Variants in WDR17 observed in about 807,000 individuals in gnomAD.
The protein encoded by WDR17 is WD repeat-containing protein 17.
A neutral mutation model predicts 161.7 loss-of-function variants in WDR17; 143 were observed. The observed-to-expected ratio is 0.88, with a 90% CI of 0.77 to 1.02. The LOEUF is 1.02. WDR17 is among the 50% of genes least tolerant of loss of function. The pLI is 0.00. For missense variants in WDR17, 1,469 were observed against 1,520.9 expected, an observed-to-expected ratio of 0.97 and a Z score of 0.57; for synonymous variants, 517 against 515.6, an observed-to-expected ratio of 1.00 and a Z score of -0.04.
intron 22 of WDR17, 57 bp downstream of exon 22, chr4:176,163,350 C>A: frequency 6.5e-7 from 1 of 1,533,000 alleles, no homozygotes; most frequent in Non-Finnish European, 8.8e-7. Flanking sequence ...ATTTTTAAAA[C>A]ATTATAAATT....
chr4:176,119,950 A>G lies in WDR17; in HGVS notation c.391A>G (p.Thr131Ala), dbSNP rs1194464748. The G allele has an allele frequency of 6.2e-7, 1 of 1,614,000 alleles. No homozygotes were observed. The highest frequency in any genetic ancestry group is 2.2e-5 in the East Asian group (1 of 44,864). ...VSHRGPLFIW[T>A]ISGPDSGVIV... The stretch of plus-strand genomic sequence containing the variant: ...CCACAGAGGCCCACTGTTCATTTGG[A>G]CCATCTCAGGACCAGATAGTGGAGT... Residue 131 changes from threonine (T) to alanine (A), a missense_variant, in exon 4 of 29, where the codon ACC (threonine) becomes GCC (alanine). By Grantham distance (58) the Thr-to-Ala change is moderately conservative. Transcript: ENST00000508596.
intron 1 of WDR17, among the ~76,000 whole-genome samples, chr4:176,073,166 C>G (rs1044185354): frequency 3.3e-5 from 5 of 151,906 alleles, no homozygotes; most frequent in African/African-American, 1.2e-4. Context: ...AGGTTTGTTA[C>G]ATATGTATAC....
chr4:176,154,349 C>T (rs534778631), intron 17 of WDR17, among the ~76,000 whole-genome samples: 24 of 152,086 alleles, frequency 1.6e-4, no homozygotes, highest in African/African-American at 4.8e-4. Context: ...GGCGTGGTGG[C>T]GGGTTCCTGT....
At chr4:176,078,809 G>A (rs1321351477) in intron 1 of WDR17, among the ~76,000 whole-genome samples, 1 of 151,834 alleles carries the variant, frequency 6.6e-6, no homozygotes, top group African/African-American at 2.4e-5. Flanking sequence ...TATGATACAT[G>A]CAATATAGAG....
Position 176,145,249 on chromosome 4 carries a change from A to G in WDR17, c.1530-746A>G, listed in dbSNP as rs966842092. On this transcript the variant is annotated intron_variant, in intron 11 of 28. Coordinates refer to ENST00000508596, the MANE Select transcript of WDR17 (RefSeq NM_181265.4). ...GTCCGTGATTTCCACAGGTCTTCCT[A>G]CTACTCATAATTCCTTTCCTAGCAG... is the stretch of plus-strand genomic sequence containing the variant. 1.7e-4 allele frequency among the ~76,000 whole-genome samples: 24 copies of G among 144,464 alleles called. 1 individual carries two copies. The highest frequency in any genetic ancestry group is 3.0e-4 in the Non-Finnish European group (19 of 64,282). 94.8% of individuals were successfully genotyped at this position (144,464 alleles called of 152,430 possible). A position where few individuals can be genotyped will look rare whatever the true frequency, so the allele number is the denominator to read the frequency against.
At chr4:176,131,522 T>C in intron 6 of WDR17, 32 bp from the exon 7 acceptor site, 1 of 1,570,932 alleles carries the variant, frequency 6.4e-7, no homozygotes. Flanking sequence ...TGTGGTTTCA[T>C]TCCAATAGGA....
At chr4:176,176,451 C>A (rs1480770482) in intron 26 of WDR17, among the ~76,000 whole-genome samples, 1 of 152,152 alleles carries the variant, frequency 6.6e-6, no homozygotes, top group Non-Finnish European at 1.5e-5. Context: ...ATCCCACTCT[C>A]CTCCCACGGC....
chr4:176,173,413 A>G, intron 25 of WDR17, 44 bp downstream of exon 25: 2 of 1,327,062 alleles, frequency 1.5e-6, no homozygotes, highest in Non-Finnish European at 2.1e-6. Flanking sequence ...TCTATTTGAT[A>G]ATTTTAAAGT....
chr4:176,119,847 C>CTTA lies in WDR17; in HGVS notation c.308-19_308-18insTAT. The CTTA allele has an allele frequency of 6.3e-7, 1 of 1,595,156 alleles. No homozygotes were observed. Among genetic ancestry groups the CTTA allele is most frequent in the South Asian group, 1.1e-5 (1 of 90,548 alleles). On this transcript the variant is annotated intron_variant, in intron 3 of 28. Transcript: ENST00000508596. ...CTTATGCTGTATCTTTATTATGTAT[C>CTTA]TGTATTTAATGTATTCCAGGGATCC...
At chr4:176,130,220 G>A (rs1743130695) in intron 6 of WDR17, among the ~76,000 whole-genome samples, 1 of 152,132 alleles carries the variant, frequency 6.6e-6, no homozygotes, top group Non-Finnish European at 1.5e-5. Context: ...CATAAAAGTT[G>A]TCTAACCCAC....
At chr4:176,074,276 A>T (rs2126560826) in intron 1 of WDR17, among the ~76,000 whole-genome samples, 1 of 152,068 alleles carries the variant, frequency 6.6e-6, no homozygotes, top group African/African-American at 2.4e-5. Context: ...GCCATCTTTT[A>T]AAAAAATTAC....
At chr4:176,091,183 G>A (rs1736075549) in intron 1 of WDR17, among the ~76,000 whole-genome samples, 1 of 152,140 alleles carries the variant, frequency 6.6e-6, no homozygotes, top group Non-Finnish European at 1.5e-5. Flanking sequence ...TTATCCAACA[G>A]CTGCAGAATA....
intron 22 of WDR17, among the ~76,000 whole-genome samples, chr4:176,167,644 CAAA>C (rs34187946): frequency 3.2e-3 from 76 of 23,804 alleles, no homozygotes; most frequent in African/African-American, 0.012. Context: ...GACTCCGTCT[CAAA>C]AAAAAAAAAA....
At chr4:176,074,618 G>T (rs1423676088) in intron 1 of WDR17, among the ~76,000 whole-genome samples, 1 of 151,518 alleles carries the variant, frequency 6.6e-6, no homozygotes, top group Non-Finnish European at 1.5e-5. Flanking sequence ...ACCACACCTG[G>T]CTAATTTTTG....
chr4:176,170,819 G>T (rs977194097), intron 23 of WDR17, among the ~76,000 whole-genome samples: 4 of 152,124 alleles, frequency 2.6e-5, no homozygotes, highest in South Asian at 4.1e-4. Context: ...GTTAATAACT[G>T]AACAATTTCA....
At position 176,158,175 on chromosome 4, in the gene WDR17, C is replaced by T. The variant is rs867875256; in HGVS notation, c.2526-1819C>T. On this transcript the variant is annotated intron_variant, in intron 18 of 28. Coordinates refer to ENST00000508596, the MANE Select transcript of WDR17 (RefSeq NM_181265.4). ...TGATCAATTCTTCATTTAGAATATC[C>T]GCACAAGCTAAAATATCAAGAACAG... 1.1e-4 allele frequency among the ~76,000 whole-genome samples: 16 copies of T among 152,006 alleles called. 1 individual carries two copies. Among genetic ancestry groups the T allele is most frequent in the African/African-American group, 3.1e-4 (13 of 41,366 alleles).
chr4:176,116,016 A>G (rs1156383472), intron 3 of WDR17, 37 bp downstream of exon 3: 3 of 1,552,320 alleles, frequency 1.9e-6, no homozygotes, highest in Admixed American at 2.0e-5. Context: ...ATGGAATAAA[A>G]TATTTTTATT....
At chr4:176,153,567 ATTC>A (rs1333570851) in intron 17 of WDR17, among the ~76,000 whole-genome samples, 1 of 152,140 alleles carries the variant, frequency 6.6e-6, no homozygotes, top group Non-Finnish European at 1.5e-5. Flanking sequence ...TTCAGTGAAA[ATTC>A]TTCCTTTCCC....
At chr4:176,152,337 C>T (rs1361826962) in intron 17 of WDR17, among the ~76,000 whole-genome samples, 1 of 142,682 alleles carries the variant, frequency 7.0e-6, no homozygotes, top group Admixed American at 7.1e-5. Context: ...TGGCTCACGC[C>T]TGTAATCCCA....
Sources: gnomAD v4.1 joint callset for allele counts (sites outside exome capture counted in the v4.1 genomes callset) on GRCh38, gnomAD v4.1.1 for gene constraint, MANE v1.5 for transcripts, NCBI Gene and HGNC (gene_info 2026-07-23, HGNC 2026-07-21) for gene names.